XYLT1: variants seen among roughly 807,000 people sequenced by gnomAD.
The protein encoded by XYLT1 is beta-D-xylosyltransferase 1.
Under a neutral mutation model 91.3 loss-of-function variants are expected in XYLT1, and 36 were observed. The observed-to-expected ratio is 0.39, with a 90% CI of 0.30 to 0.52. The LOEUF (loss-of-function observed/expected upper bound fraction) is 0.52. Ranked by LOEUF, XYLT1 falls within the 20% of genes least tolerant of loss-of-function variation. The pLI is 0.68. For synonymous variants in XYLT1, 588 were observed against 532.0 expected (o/e 1.11, Z -1.45); for missense variants, 1,242 against 1,284.5 (o/e 0.97, Z 0.51).
chr16:17,459,678 T>C (rs1237576279), intron 1 of XYLT1, among the ~76,000 whole-genome samples: 1 of 152,230 alleles, frequency 6.6e-6, no homozygotes, highest in Non-Finnish European at 1.5e-5. Context: ...GCTGCATTTG[T>C]AACAATCTGA....
intron 2 of XYLT1, among the ~76,000 whole-genome samples, chr16:17,321,669 TCTC>T (rs1211363438): frequency 6.6e-6 from 1 of 152,082 alleles, no homozygotes; most frequent in East Asian, 1.9e-4. Context: ...TCTGTTCTGT[TCTC>T]CTTAGAGCAG....
intron 2 of XYLT1, among the ~76,000 whole-genome samples, chr16:17,289,304 G>C (rs550175404): frequency 6.6e-6 from 1 of 152,304 alleles, no homozygotes; most frequent in Admixed American, 6.5e-5. Flanking sequence ...GCTCTAGGTT[G>C]CTTCTCTGTA....
At chr16:17,252,592 T>A (rs565247087) in intron 3 of XYLT1, among the ~76,000 whole-genome samples, 2 of 152,302 alleles carry the variant, frequency 1.3e-5, no homozygotes, top group East Asian at 3.9e-4. Context: ...GGGATGGAGC[T>A]GGGGCTTCCT....
chr16:17,117,399 G>A (rs965786316), intron 11 of XYLT1, among the ~76,000 whole-genome samples: 1 of 152,148 alleles, frequency 6.6e-6, no homozygotes, highest in Non-Finnish European at 1.5e-5. Flanking sequence ...CTTTCTGGAA[G>A]TTGAATGGGG....
intron 2 of XYLT1, among the ~76,000 whole-genome samples, chr16:17,318,624 A>G (rs984130998): frequency 1.3e-5 from 2 of 152,144 alleles, no homozygotes; most frequent in Non-Finnish European, 2.9e-5. Flanking sequence ...GCACTACTGG[A>G]ATTCAGAACC....
intron 2 of XYLT1, among the ~76,000 whole-genome samples, chr16:17,305,417 C>CTT (rs35534038): frequency 3.1e-5 from 4 of 130,160 alleles, no homozygotes; most frequent in South Asian, 2.4e-4. Context: ...TCTTCTTCTT[C>CTT]TTTTTTTTTT....
rs138064916 is a variant in XYLT1, at chr16:17,220,801, C to A, written c.914-20147G>T. 1.1e-4 allele frequency among the ~76,000 whole-genome samples: 17 copies of A among 152,282 alleles called. No individual in the cohort carries two copies. In the East Asian group the frequency reaches 2.5e-3, roughly 23 times the overall value. ...GTTAACTTCTGATGCTCTTCCTGGG[C>A]TTGTTTGCCTGGGCAGATAAAATCA... On this transcript the variant is annotated intron_variant, in intron 3 of 11. Transcript: ENST00000261381.
At chr16:17,216,917 G>C (rs1222252641) in intron 3 of XYLT1, among the ~76,000 whole-genome samples, 1 of 152,176 alleles carries the variant, frequency 6.6e-6, no homozygotes, top group Non-Finnish European at 1.5e-5. Context: ...CAACAGCAAC[G>C]AGCAGCAATA....
At chr16:17,157,613 G>A (rs1001003477) in intron 6 of XYLT1, among the ~76,000 whole-genome samples, 1 of 152,126 alleles carries the variant, frequency 6.6e-6, no homozygotes, top group African/African-American at 2.4e-5. Context: ...ATGAAAACAA[G>A]ACAAAACAAA....
intron 3 of XYLT1, among the ~76,000 whole-genome samples, chr16:17,243,278 T>C (rs565659161): frequency 6.6e-6 from 1 of 152,338 alleles, no homozygotes; most frequent in South Asian, 2.1e-4. Flanking sequence ...TAACTTATTA[T>C]GGTCAGTTTA....
At chr16:17,188,903 C>A (rs750810004) in intron 5 of XYLT1, among the ~76,000 whole-genome samples, 43 of 152,166 alleles carry the variant, frequency 2.8e-4, no homozygotes, top group Non-Finnish European at 4.6e-4. Flanking sequence ...AAAGAAGCTG[C>A]GATTTGGACC....
At chr16:17,174,134 C>A (rs1384015874) in intron 5 of XYLT1, among the ~76,000 whole-genome samples, 1 of 151,518 alleles carries the variant, frequency 6.6e-6, no homozygotes, top group Non-Finnish European at 1.5e-5. Flanking sequence ...AGAGGGTGGC[C>A]AAAAAAATAA....
intron 2 of XYLT1, among the ~76,000 whole-genome samples, chr16:17,289,807 A>C (rs2034195563): frequency 6.6e-6 from 1 of 152,248 alleles, no homozygotes; most frequent in African/African-American, 2.4e-5. Flanking sequence ...CAAAACCCCA[A>C]ACCCAGAGTG....
chr16:17,217,960 A>AATAAT (rs1567327499), intron 3 of XYLT1, among the ~76,000 whole-genome samples: 2 of 148,544 alleles, frequency 1.3e-5, no homozygotes, highest in Non-Finnish European at 3.0e-5. Flanking sequence ...ATAATAATAA[A>AATAAT]AAAAAAAAAA....
intron 1 of XYLT1, among the ~76,000 whole-genome samples, chr16:17,427,223 G>A (rs1015613365): frequency 2.7e-4 from 41 of 152,376 alleles, no homozygotes; most frequent in African/African-American, 9.9e-4. Flanking sequence ...GAATGAGGAA[G>A]TCTAAAATGT....
At position 17,138,304 on chromosome 16, in the gene XYLT1, TTGTTGGGAAGGCA is replaced by T. The variant is rs752204401; in HGVS notation, c.1764+38_1764+50del. On this transcript the variant is annotated intron_variant, in intron 8 of 11. Coordinates refer to ENST00000261381, the MANE Select transcript of XYLT1 (RefSeq NM_022166.4). Reference sequence around the variant, plus strand: ...TCTGGCCTTGGATTTCTGCAGAGGTTTGTTGGGAAGGCATCACTTAGGAGGCTGGCAGACCATG... The same window carrying T: ...TCTGGCCTTGGATTTCTGCAGAGGTTTCACTTAGGAGGCTGGCAGACCATG... 5.7e-6 allele frequency: 9 copies of T among 1,589,850 alleles called. No individual in the cohort carries two copies. In the Admixed American group the frequency reaches 1.5e-4, roughly 27 times the overall value.
At chr16:17,337,481 G>A (rs972216196) in intron 2 of XYLT1, among the ~76,000 whole-genome samples, 2 of 152,034 alleles carry the variant, frequency 1.3e-5, no homozygotes, top group South Asian at 2.1e-4. Context: ...CACCATGCCC[G>A]GCCTCCTGAG....
intron 5 of XYLT1, among the ~76,000 whole-genome samples, chr16:17,171,524 A>C (rs968599284): frequency 1.3e-5 from 2 of 152,222 alleles, no homozygotes; most frequent in African/African-American, 4.8e-5. Flanking sequence ...CTCTTTACCC[A>C]CAGATTTCCA....
intron 1 of XYLT1, among the ~76,000 whole-genome samples, chr16:17,455,574 C>T (rs2036729494): frequency 6.9e-6 from 1 of 144,284 alleles, no homozygotes; most frequent in Admixed American, 7.3e-5. Flanking sequence ...AACAGTGAGA[C>T]TCCATCTCTA....
Sources: allele counts gnomAD v4.1 joint callset (sites outside exome capture counted in the v4.1 genomes callset), GRCh38; gene constraint gnomAD v4.1.1; transcripts MANE v1.5; gene names NCBI Gene and HGNC (gene_info 2026-07-23, HGNC 2026-07-21).